The following C2CD5 variants were observed in gnomAD, a reference collection of about 807,000 sequenced individuals.
The protein encoded by C2CD5 is C2 domain-containing protein 5.
C2CD5 carries 109 observed loss-of-function variants against 130.3 expected under a neutral mutation model. That is an observed-to-expected ratio of 0.84 (90% CI 0.72 to 0.98). The LOEUF is 0.98. Among genes scored for constraint, C2CD5 ranks in the 50% least tolerant of loss-of-function variants. C2CD5 has a pLI of 0.00. For missense variants in C2CD5, 996 were observed against 1,261.8 expected, an observed-to-expected ratio of 0.79 and a Z score of 3.19; for synonymous variants, 454 against 429.2, an observed-to-expected ratio of 1.06 and a Z score of -0.71.
At chr12:22,468,501 A>T (rs1375062650) in intron 22 of C2CD5, among the ~76,000 whole-genome samples, 1 of 152,152 alleles carries the variant, frequency 6.6e-6, no homozygotes, top group African/African-American at 2.4e-5. Context: ...TACAGGTATG[A>T]GCCAACAGGC....
rs187933434 is a variant in C2CD5, at chr12:22,496,015, A to G, written c.1148-2678T>C. ...GGGAGCACTTAATCACAAACTGGTAATTATATTAACAATTATCTACAACTG... is the reference window on the plus strand; with the variant it reads ...GGGAGCACTTAATCACAAACTGGTAGTTATATTAACAATTATCTACAACTG... On this transcript the variant is annotated intron_variant, in intron 10 of 26. Coordinates refer to ENST00000446597, the MANE Select transcript of C2CD5 (RefSeq NM_001286176.2). Among the ~76,000 whole-genome samples, 11 of 152,278 alleles carry G rather than the reference A, an allele frequency of 7.2e-5. No homozygotes were observed. In the East Asian group the frequency reaches 1.9e-3, roughly 27 times the overall value.
chr12:22,454,009 T>C lies in C2CD5; in HGVS notation c.2911A>G (p.Ile971Val), dbSNP rs770103944. 6.8e-6 allele frequency: 11 copies of C among 1,613,692 alleles called. No individual in the cohort carries two copies. The Admixed American group carries it at 8.3e-5, about 12-fold the overall frequency. ...CTCACCATTGCAAACACTTCAGCAA[T>C]AAAAGCATGGAGAAAACCACTGACT... ...GGVSGFLHAF[I>V]AEVFAMVRAH... Residue 971 changes from isoleucine to valine, a missense_variant, in exon 26 of 27, where the codon ATT (isoleucine) becomes GTT (valine). Coordinates refer to ENST00000446597, the MANE Select transcript of C2CD5 (RefSeq NM_001286176.2).
chr12:22,498,813 T>A (rs1040325549), intron 10 of C2CD5, among the ~76,000 whole-genome samples: 19 of 152,166 alleles, frequency 1.2e-4, no homozygotes, highest in Admixed American at 3.9e-4. Flanking sequence ...ACTTAAAATA[T>A]CAACTCACAA....
Position 22,471,497 on chromosome 12 carries a change from T to C in C2CD5, c.2269-9A>G, listed in dbSNP as rs76130321. On this transcript the variant is annotated splice_polypyrimidine_tract_variant and intron_variant, in intron 19 of 26. Coordinates refer to ENST00000446597, the MANE Select transcript of C2CD5 (RefSeq NM_001286176.2). ...AGTTTAAAGTACAGGCTCTACACAA[T>C]AGAAAATATTAGTAATGTCACTTTT... 0.013 allele frequency: 18,534 copies of C among 1,425,538 alleles called. 158 individuals are homozygous for C. The highest frequency in any genetic ancestry group is 0.016 in the Middle Eastern group (91 of 5,538). 88.3% of individuals were successfully genotyped at this position (1,425,538 alleles called of 1,614,324 possible). A position where few individuals can be genotyped will look rare whatever the true frequency, so the allele number is the denominator to read the frequency against.
intron 22 of C2CD5, among the ~76,000 whole-genome samples, chr12:22,466,274 A>C (rs992690050): frequency 6.6e-6 from 1 of 152,034 alleles, no homozygotes; most frequent in South Asian, 2.1e-4. Flanking sequence ...AAAACATGAA[A>C]TATACACTGG....
At chr12:22,485,703 T>A (rs894928514) in intron 12 of C2CD5, among the ~76,000 whole-genome samples, 2 of 152,072 alleles carry the variant, frequency 1.3e-5, no homozygotes, top group East Asian at 3.9e-4. Context: ...AGCCAATGTG[T>A]TATAAGAGGG....
chr12:22,516,568 A>AAAGAAAC, intron 8 of C2CD5, among the ~76,000 whole-genome samples: 1 of 151,216 alleles, frequency 6.6e-6, no homozygotes, highest in East Asian at 1.9e-4. Context: ...ATTAAAAAAA[A>AAAGAAAC]AAGAAACAAG....
chr12:22,482,260 C>G (rs550636378), intron 14 of C2CD5, among the ~76,000 whole-genome samples: 1 of 152,124 alleles, frequency 6.6e-6, no homozygotes. Context: ...ATGGAGGAAC[C>G]CTGTTTTAGC....
At chr12:22,514,548 GATA>G (rs1949519812) in intron 8 of C2CD5, among the ~76,000 whole-genome samples, 1 of 151,878 alleles carries the variant, frequency 6.6e-6, no homozygotes, top group Non-Finnish European at 1.5e-5. Context: ...CAGAAAAAAA[GATA>G]ATAAAAGAAT....
chr12:22,502,786 C>T (rs1947962263), intron 10 of C2CD5: 4 of 1,530,758 alleles, frequency 2.6e-6, no homozygotes, highest in Non-Finnish European at 3.5e-6. Context: ...TCTTGTGTTA[C>T]CCATAATTCC....
At chr12:22,490,307 CA>C in intron 11 of C2CD5, 89 bp from the exon 12 acceptor site, 1 of 856,652 alleles carries the variant, frequency 1.2e-6, no homozygotes, top group East Asian at 2.6e-5. Context: ...ATAACAGTGA[CA>C]ATTTAAGTTC....
intron 7 of C2CD5, chr12:22,519,101 G>C: frequency 6.5e-7 from 1 of 1,532,896 alleles, no homozygotes; most frequent in Non-Finnish European, 8.7e-7. Flanking sequence ...TCTGGAGTCT[G>C]AGCAGTCTCG....
chr12:22,471,399 C>T lies in C2CD5; in HGVS notation c.2358G>A (p.Gln786=). ...TVSLPEDELI[Q]VTVTAVAITF... is the part of the protein sequence containing the mutation. Reference sequence around the variant, plus strand: ...TAATAATGGACTAAATCTTAATTACCTGAATTAATTCATCTTCAGGCAGAG... The same window carrying T: ...TAATAATGGACTAAATCTTAATTACTTGAATTAATTCATCTTCAGGCAGAG... The change falls in exon 20 of 27, where the codon CAG becomes CAA. Residue 786 remains glutamine, a splice_region_variant and synonymous_variant. Coordinates refer to ENST00000446597, the MANE Select transcript of C2CD5 (RefSeq NM_001286176.2). The T allele has an allele frequency of 6.9e-7, 1 of 1,454,278 alleles. No homozygotes were observed. Among genetic ancestry groups the T allele is most frequent in the Non-Finnish European group, 9.6e-7 (1 of 1,037,940 alleles). The allele number at this position is 1,454,278 out of a possible 1,614,324, so 90.1% of individuals were successfully genotyped here. A position where few individuals can be genotyped will look rare whatever the true frequency, so the allele number is the denominator to read the frequency against.
chr12:22,478,651 G>A (rs1944233479), intron 14 of C2CD5, among the ~76,000 whole-genome samples, 174 bp from the exon 15 acceptor site: 1 of 152,102 alleles, frequency 6.6e-6, no homozygotes, highest in African/African-American at 2.4e-5. Context: ...TTTGAGACCA[G>A]CCTGGCCAAC....
chr12:22,449,918 T>A (rs201046261), intron 26 of C2CD5, 27 bp from the exon 27 acceptor site: 1 of 1,579,798 alleles, frequency 6.3e-7, no homozygotes, highest in East Asian at 2.2e-5. Context: ...CAGGACAGGT[T>A]CAGTTATACT....
chr12:22,466,873 T>C (rs1290273960), intron 22 of C2CD5, among the ~76,000 whole-genome samples: 1 of 152,220 alleles, frequency 6.6e-6, no homozygotes, highest in African/African-American at 2.4e-5. Context: ...GATGGTCTGA[T>C]GATGATGATG....
chr12:22,508,964 C>T (rs1176804931), intron 9 of C2CD5, among the ~76,000 whole-genome samples: 1 of 151,500 alleles, frequency 6.6e-6, no homozygotes, highest in South Asian at 2.1e-4. Context: ...GCAAGCTCCG[C>T]TTCCCGGGTT....
chr12:22,491,820 CA>C (rs1199635281), intron 11 of C2CD5, among the ~76,000 whole-genome samples: 1 of 142,362 alleles, frequency 7.0e-6, no homozygotes, highest in Admixed American at 7.0e-5. Flanking sequence ...TGCAGTGAGC[CA>C]AAATCACACC....
rs1948620853 is a variant in C2CD5 at position 22,506,953 on chromosome 12, C to A, written c.1039-134G>T. 6 of 591,578 alleles carry A rather than the reference C, an allele frequency of 1.0e-5. No homozygotes were observed. The Admixed American group carries it at 1.1e-4, about 11-fold the overall frequency. The allele number at this position is 591,578 out of a possible 1,614,324, so 36.6% of individuals were successfully genotyped here. A position where few individuals can be genotyped will look rare whatever the true frequency, so the allele number is the denominator to read the frequency against. The stretch of plus-strand genomic sequence containing the variant: ...GGCCACCCATTACACATCACACATG[C>A]TTTGTAATTAAAAGTTTAATTAAAT... On this transcript the variant is annotated intron_variant, in intron 9 of 26. Transcript: ENST00000446597.
Sources: allele counts gnomAD v4.1 joint callset (sites outside exome capture counted in the v4.1 genomes callset), GRCh38; gene constraint gnomAD v4.1.1; transcripts MANE v1.5; gene names NCBI Gene and HGNC (gene_info 2026-07-23, HGNC 2026-07-21).